The following TOP1 variants were observed in gnomAD, a reference collection of about 807,000 sequenced individuals.
The protein encoded by TOP1 is DNA topoisomerase 1.
In TOP1, 10 loss-of-function variants were observed where a neutral mutation model predicts 111.1. The ratio of observed to expected loss-of-function variants is 0.09; its 90% CI spans 0.06 to 0.15. The LOEUF is 0.15. Among genes scored for constraint, TOP1 ranks in the 10% least tolerant of loss-of-function variants. The pLI, the probability that TOP1 is intolerant of heterozygous loss-of-function variation, is 1.00. For synonymous variants in TOP1, 271 were observed against 302.9 expected, an observed-to-expected ratio of 0.89 and a Z score of 1.10; for missense variants, 474 against 926.7, an observed-to-expected ratio of 0.51 and a Z score of 6.34.
At position 41,106,298 on chromosome 20, in the gene TOP1, G is replaced by A. The variant is rs1286967027; in HGVS notation, c.1308+4945G>A. On this transcript the variant is annotated intron_variant, in intron 13 of 20. Transcript: ENST00000361337. The surrounding 1 kb of genome is among the most constrained non-coding windows in gnomAD (Gnocchi z 4.3). ...ACTGTAGCTTTATAAAGTCTATTGAGTAGGACAAGTTTGTTTCATTCTTCA... is the reference window on the plus strand; with the variant it reads ...ACTGTAGCTTTATAAAGTCTATTGAATAGGACAAGTTTGTTTCATTCTTCA... Among the ~76,000 whole-genome samples, 2 of 152,142 alleles carry A rather than the reference G, an allele frequency of 1.3e-5. No individual in the cohort carries two copies. The highest frequency in any genetic ancestry group is 2.9e-5 in the Non-Finnish European group (2 of 68,030).
chr20:41,119,063 A>C (rs1442284763), intron 18 of TOP1, among the ~76,000 whole-genome samples: 1 of 152,262 alleles, frequency 6.6e-6, no homozygotes, highest in Admixed American at 6.5e-5. Flanking sequence ...GTTAAAAAGG[A>C]AACAAATTAT....
At chr20:41,090,175 A>G (rs1372049837) in intron 8 of TOP1, among the ~76,000 whole-genome samples, 2 of 152,210 alleles carry the variant, frequency 1.3e-5, no homozygotes, top group Non-Finnish European at 2.9e-5. Context: ...GAGTTTTGCC[A>G]TGTTGGCCAG....
chr20:41,081,295 C>A, intron 7 of TOP1, 55 bp downstream of exon 7: 1 of 1,542,762 alleles, frequency 6.5e-7, no homozygotes, highest in Non-Finnish European at 8.7e-7. Context: ...GGGAGTTTTC[C>A]AGTAAGCAAC....
Position 41,101,417 on chromosome 20 carries a change from A to G in TOP1, c.1308+64A>G. Reference sequence around the variant, plus strand: ...TGATAACCTTTTTTTGTTGAAATGTAACGTTCTCGTCCTCTAGAATCACTT... The same window carrying G: ...TGATAACCTTTTTTTGTTGAAATGTGACGTTCTCGTCCTCTAGAATCACTT... On this transcript the variant is annotated intron_variant, in intron 13 of 20. Coordinates refer to ENST00000361337, the MANE Select transcript of TOP1 (RefSeq NM_003286.4). The surrounding 1 kb of genome is among the most constrained non-coding windows in gnomAD (Gnocchi z 4.1). The G allele has an allele frequency of 1.3e-6, 2 of 1,520,628 alleles. No individual in the cohort carries two copies. Among genetic ancestry groups the G allele is most frequent in the Non-Finnish European group, 1.8e-6 (2 of 1,113,698 alleles). The allele number at this position is 1,520,628 out of a possible 1,614,324, so 94.2% of individuals were successfully genotyped here. A position where few individuals can be genotyped will look rare whatever the true frequency, so the allele number is the denominator to read the frequency against.
At chr20:41,044,774 G>T (rs559927860) in intron 2 of TOP1, among the ~76,000 whole-genome samples, 1 of 152,176 alleles carries the variant, frequency 6.6e-6, no homozygotes, top group Non-Finnish European at 1.5e-5. Flanking sequence ...CATATGAGGT[G>T]TGTCTGTGTG....
intron 13 of TOP1, among the ~76,000 whole-genome samples, chr20:41,111,052 G>A (rs1002425921): frequency 9.2e-5 from 14 of 152,134 alleles, no homozygotes; most frequent in African/African-American, 3.1e-4. Context: ...TCTAAATCTC[G>A]TTTACCTGAC....
At chr20:41,053,719 G>A (rs1037956205) in intron 2 of TOP1, among the ~76,000 whole-genome samples, 1 of 152,130 alleles carries the variant, frequency 6.6e-6, no homozygotes, top group African/African-American at 2.4e-5. Context: ...AGTTTCAAAT[G>A]TTTCCTAAAA....
rs1407970685 is a variant in TOP1, at chr20:41,082,976, T to C, written c.508-1486T>C. Among the ~76,000 whole-genome samples the C allele has an allele frequency of 6.6e-6, 1 of 152,228 alleles. No individual in the cohort carries two copies. The highest frequency in any genetic ancestry group is 1.5e-5 in the Non-Finnish European group (1 of 68,032). ...ACCACATAGGGGGAAAAATGCTGGCTGAAAGACTGAATTAATACAATCTTA... is the reference window on the plus strand; with the variant it reads ...ACCACATAGGGGGAAAAATGCTGGCCGAAAGACTGAATTAATACAATCTTA... On this transcript the variant is annotated intron_variant, in intron 7 of 20. Coordinates refer to ENST00000361337, the MANE Select transcript of TOP1 (RefSeq NM_003286.4). The surrounding 1 kb of genome is among the most constrained non-coding windows in gnomAD (Gnocchi z 4.1).
intron 2 of TOP1, among the ~76,000 whole-genome samples, chr20:41,041,323 A>G (rs1298231822): frequency 6.6e-6 from 1 of 151,156 alleles, no homozygotes; most frequent in Non-Finnish European, 1.5e-5. Flanking sequence ...GGTGGTGTGC[A>G]CCTACAGTCC....
At position 41,029,441 on chromosome 20, in the gene TOP1, A is replaced by T. The variant is rs2122578352; in HGVS notation, c.44A>T (p.Asp15Val). The T allele has an allele frequency of 6.7e-7, 1 of 1,495,640 alleles. No individual in the cohort carries two copies. The highest frequency in any genetic ancestry group is 8.9e-7 in the Non-Finnish European group (1 of 1,120,758). The allele number at this position is 1,495,640 out of a possible 1,614,324, so 92.6% of individuals were successfully genotyped here. A position where few individuals can be genotyped will look rare whatever the true frequency, so the allele number is the denominator to read the frequency against. The change falls in exon 2 of 21, where the codon GAT becomes GTT. Residue 15 changes from aspartate to valine, a missense_variant. Physicochemically the swap from Asp to Val is radical, Grantham distance 152 (BLOSUM62 -3). Coordinates refer to ENST00000361337, the MANE Select transcript of TOP1 (RefSeq NM_003286.4). This position sits in a 1 kb window ranked among gnomAD's most constrained non-coding sequence, Gnocchi z 6.1. ...CTTTTCTTTTTCCAGATCGAAGCGG[A>T]TTTCCGATTGAATGGTGAGTGTGCC... ...HLHNDSQIEA[D>V]FRLNDSHKHK...
chr20:41,109,977 T>C lies in TOP1; in HGVS notation c.1309-2805T>C, dbSNP rs1415310607. Among the ~76,000 whole-genome samples, 1 of 152,234 alleles carries C rather than the reference T, an allele frequency of 6.6e-6. No individual in the cohort carries two copies. Among genetic ancestry groups the C allele is most frequent in the Non-Finnish European group, 1.5e-5 (1 of 68,042 alleles). On this transcript the variant is annotated intron_variant, in intron 13 of 20. Transcript: ENST00000361337. This position sits in a 1 kb window ranked among gnomAD's most constrained non-coding sequence, Gnocchi z 4.1. ...GGAACTACTTATGTATTCAACAACATGGATGAATCTTAAAAACATGGTTAA... is the reference window on the plus strand; with the variant it reads ...GGAACTACTTATGTATTCAACAACACGGATGAATCTTAAAAACATGGTTAA...
chr20:41,113,452 AT>A lies in TOP1; in HGVS notation c.1453-517del, dbSNP rs374359602. On this transcript the variant is annotated intron_variant, in intron 14 of 20. Transcript: ENST00000361337. ...AAGAAAAGGAGCATGAATATTTAACATCCCTATAGATTTCATAGTGAGTGGG... is the reference window on the plus strand; with the variant it reads ...AAGAAAAGGAGCATGAATATTTAACACCCTATAGATTTCATAGTGAGTGGG... Among the ~76,000 whole-genome samples the A allele has an allele frequency of 4.1e-4, 62 of 152,186 alleles. 1 individual carries two copies. In the South Asian group the frequency reaches 0.013, roughly 32 times the overall value.
intron 8 of TOP1, among the ~76,000 whole-genome samples, chr20:41,087,969 A>G (rs1008563975): frequency 6.6e-6 from 1 of 152,164 alleles, no homozygotes; most frequent in Non-Finnish European, 1.5e-5. Context: ...GGATATATGC[A>G]CTCATGGGGA....
Position 41,109,545 on chromosome 20 carries a change from T to C in TOP1, c.1309-3237T>C, listed in dbSNP as rs1003839315. Among the ~76,000 whole-genome samples the C allele has an allele frequency of 3.3e-5, 5 of 152,092 alleles. No individual in the cohort carries two copies. The highest frequency in any genetic ancestry group is 1.2e-4 in the African/African-American group (5 of 41,418). On this transcript the variant is annotated intron_variant, in intron 13 of 20. Coordinates refer to ENST00000361337, the MANE Select transcript of TOP1 (RefSeq NM_003286.4). This position sits in a 1 kb window ranked among gnomAD's most constrained non-coding sequence, Gnocchi z 4.1. ...GAATTTACAGACTAAAAGAAAATAT[T>C]TGCAACATGTTTATCTGAAAGGGCT...
chr20:41,085,145 A>T (rs73909143), intron 8 of TOP1, among the ~76,000 whole-genome samples: 9,362 of 152,142 alleles, frequency 0.062, 951 homozygotes, highest in African/African-American at 0.22. Context: ...TCCTAATATG[A>T]AAAAAAGCTC....
At chr20:41,091,552 C>CTT (rs532948716) in intron 8 of TOP1, among the ~76,000 whole-genome samples, 2,269 of 96,130 alleles carry the variant, frequency 0.024, 103 homozygotes, top group African/African-American at 0.051. Flanking sequence ...AATTATTAAC[C>CTT]TTTTTTTTTT....
chr20:41,087,053 A>G (rs1196897990), intron 8 of TOP1, among the ~76,000 whole-genome samples: 6 of 152,296 alleles, frequency 3.9e-5, no homozygotes, highest in African/African-American at 1.4e-4. Context: ...AGAAGTACAC[A>G]CTTTACAAGC....
chr20:41,035,088 C>T (rs1216317133), intron 2 of TOP1, among the ~76,000 whole-genome samples: 8 of 152,104 alleles, frequency 5.3e-5, no homozygotes, highest in South Asian at 2.1e-4. Context: ...CGAGGTTTCT[C>T]GCCATGTTGC....
chr20:41,061,028 A>G lies in TOP1; in HGVS notation c.59-366A>G, dbSNP rs1034223358. ...ACATCTGTTGAGGTTTGGATTTTTC[A>G]GAAGTTATAACATCTGATCTTTAGA... On this transcript the variant is annotated intron_variant, in intron 2 of 20. Coordinates refer to ENST00000361337, the MANE Select transcript of TOP1 (RefSeq NM_003286.4). The surrounding 1 kb of genome is among the most constrained non-coding windows in gnomAD (Gnocchi z 4.6). 6.6e-6 allele frequency among the ~76,000 whole-genome samples: 1 copy of G among 152,310 alleles called. No individual in the cohort carries two copies. Among genetic ancestry groups the G allele is most frequent in the South Asian group, 2.1e-4 (1 of 4,826 alleles).
Sources: allele counts gnomAD v4.1 joint callset (sites outside exome capture counted in the v4.1 genomes callset), GRCh38; gene constraint gnomAD v4.1.1; non-coding constraint Gnocchi (gnomAD v3.1); transcripts MANE v1.5; gene names NCBI Gene and HGNC (gene_info 2026-07-23, HGNC 2026-07-21).